ZMYND11: variants seen among roughly 807,000 people sequenced by gnomAD.
The protein encoded by ZMYND11 is zinc finger MYND domain-containing protein 11.
In ZMYND11, 9 loss-of-function variants were observed where a neutral mutation model predicts 84.9. The observed-to-expected ratio is 0.11, with a 90% CI of 0.06 to 0.18. ZMYND11 has a LOEUF of 0.18. ZMYND11 is among the 10% of genes least tolerant of loss of function. The pLI is 1.00. For synonymous variants in ZMYND11, 250 were observed against 244.1 expected, an observed-to-expected ratio of 1.02 and a Z score of -0.23; for missense variants, 409 against 761.0, an observed-to-expected ratio of 0.54 and a Z score of 5.44.
chr10:215,744 G>A (rs947047510), intron 3 of ZMYND11, among the ~76,000 whole-genome samples: 1 of 151,894 alleles, frequency 6.6e-6, no homozygotes, highest in Non-Finnish European at 1.5e-5. Flanking sequence ...TTTTTGTAGA[G>A]ACAGGGTCTT....
chr10:209,470 AT>A (rs1944785842), intron 2 of ZMYND11, among the ~76,000 whole-genome samples: 1 of 152,186 alleles, frequency 6.6e-6, no homozygotes, highest in African/African-American at 2.4e-5. Context: ...ATTACAAAAT[AT>A]GTTTGTAGTT....
At chr10:172,134 A>G (rs964739799) in intron 1 of ZMYND11, among the ~76,000 whole-genome samples, 9 of 152,192 alleles carry the variant, frequency 5.9e-5, no homozygotes, top group African/African-American at 2.2e-4. Context: ...TCATGAGGGC[A>G]GAGCCCCCAT....
At chr10:242,229 GTTTAT>G in intron 10 of ZMYND11, 90 bp downstream of exon 10, 3 of 1,470,700 alleles carry the variant, frequency 2.0e-6, no homozygotes, top group Admixed American at 2.3e-5. Flanking sequence ...GATGCATGAA[GTTTAT>G]TTTAAATTGG....
intron 3 of ZMYND11, among the ~76,000 whole-genome samples, chr10:214,305 A>C (rs907473145): frequency 2.6e-5 from 4 of 152,226 alleles, no homozygotes; most frequent in African/African-American, 9.7e-5. Context: ...TCAAGCAAAC[A>C]GAAGTATACG....
chr10:230,047 TA>T (rs1948732347), intron 4 of ZMYND11, among the ~76,000 whole-genome samples: 2 of 152,262 alleles, frequency 1.3e-5, no homozygotes, highest in African/African-American at 4.8e-5. Context: ...TGTTTTCTGC[TA>T]TTACAATTAT....
At position 240,874 on chromosome 10, in the gene ZMYND11, A is replaced by T; in HGVS notation, c.754-19A>T. On this transcript the variant is annotated intron_variant, in intron 8 of 14. Coordinates refer to ENST00000381604, the MANE Select transcript of ZMYND11 (RefSeq NM_001370100.5). ...ATGTATATTTTATGTAGGCTAAAGTAGTTTCTTTTCTTTTTCAGCTGGATG... is the reference window on the plus strand; with the variant it reads ...ATGTATATTTTATGTAGGCTAAAGTTGTTTCTTTTCTTTTTCAGCTGGATG... 1 of 1,595,280 alleles carries T rather than the reference A, an allele frequency of 6.3e-7. No individual in the cohort carries two copies. Among genetic ancestry groups the T allele is most frequent in the Non-Finnish European group, 8.6e-7 (1 of 1,165,972 alleles).
At chr10:150,607 G>C (rs1840099952) in intron 1 of ZMYND11, among the ~76,000 whole-genome samples, 1 of 152,194 alleles carries the variant, frequency 6.6e-6, no homozygotes, top group African/African-American at 2.4e-5. Context: ...ACTGGGTGGA[G>C]CCCACTGCAG....
At position 155,604 on chromosome 10, in the gene ZMYND11, G is replaced by C; in HGVS notation, c.-20+20045G>C. On this transcript the variant is annotated intron_variant, in intron 1 of 14. Coordinates refer to ENST00000381604, the MANE Select transcript of ZMYND11 (RefSeq NM_001370100.5). ...TTCTAAAGAAGAGCTACAAACACAC[G>C]AAAAAGGTTTTGCTTGAAATGATGT... is the stretch of plus-strand genomic sequence containing the variant. 2.6e-5 allele frequency among the ~76,000 whole-genome samples: 4 copies of C among 152,326 alleles called. 1 individual carries two copies. The highest frequency in any genetic ancestry group is 3.4e-3 in the Middle Eastern group (1 of 294).
chr10:209,717 T>G (rs1944832542), intron 2 of ZMYND11, among the ~76,000 whole-genome samples, 172 bp from the exon 3 acceptor site: 1 of 142,620 alleles, frequency 7.0e-6, no homozygotes, highest in Non-Finnish European at 1.5e-5. Flanking sequence ...TATTGAAGAC[T>G]TTTCCTTTCT....
intron 4 of ZMYND11, among the ~76,000 whole-genome samples, chr10:231,166 A>G (rs955810634): frequency 3.3e-5 from 5 of 152,270 alleles, no homozygotes; most frequent in African/African-American, 7.2e-5. Context: ...TAGTCGAGAC[A>G]GAGACCAACC....
At chr10:172,430 A>C (rs558403917) in intron 1 of ZMYND11, among the ~76,000 whole-genome samples, 1 of 152,312 alleles carries the variant, frequency 6.6e-6, no homozygotes, top group Admixed American at 6.5e-5. Flanking sequence ...GTAATATACA[A>C]AAATCTATCA....
At chr10:185,048 G>C (rs1937815272) in intron 2 of ZMYND11, among the ~76,000 whole-genome samples, 1 of 152,066 alleles carries the variant, frequency 6.6e-6, no homozygotes, top group Admixed American at 6.6e-5. Context: ...AGTGTTTGTA[G>C]GCCCCATTAA....
intron 2 of ZMYND11, among the ~76,000 whole-genome samples, chr10:189,782 A>G (rs914846228): frequency 2.8e-4 from 43 of 152,206 alleles, no homozygotes; most frequent in African/African-American, 1.0e-3. Context: ...GTACCAAATA[A>G]CAGGAGAGGG....
At chr10:136,398 G>A (rs1241572060) in intron 1 of ZMYND11, among the ~76,000 whole-genome samples, 4 of 152,208 alleles carry the variant, frequency 2.6e-5, no homozygotes, top group Non-Finnish European at 4.4e-5. Flanking sequence ...TGCTCGTTGT[G>A]CAGTGCGGTG....
chr10:229,658 T>C (rs1948674763), intron 4 of ZMYND11, among the ~76,000 whole-genome samples: 1 of 152,112 alleles, frequency 6.6e-6, no homozygotes, highest in African/African-American at 2.4e-5. Context: ...GTGTCAGTAC[T>C]GGGAGTGAAA....
intron 2 of ZMYND11, among the ~76,000 whole-genome samples, chr10:184,198 G>A (rs184231256): frequency 7.0e-4 from 106 of 152,036 alleles, no homozygotes; most frequent in African/African-American, 2.4e-3. Flanking sequence ...TTAGAATCTC[G>A]TGTAGTCAGT....
intron 2 of ZMYND11, among the ~76,000 whole-genome samples, chr10:191,078 G>A (rs867757278): frequency 6.6e-6 from 1 of 152,050 alleles, no homozygotes; most frequent in Admixed American, 6.6e-5. Context: ...CTGTAGAAGT[G>A]GTTTGAAGGA....
chr10:131,778 TTGGCCTCCCAAAG>T (rs1835317840), upstream of ZMYND11, among the ~76,000 whole-genome samples: 1 of 151,904 alleles, frequency 6.6e-6, no homozygotes, highest in East Asian at 1.9e-4. Flanking sequence ...ACCTCCCGCC[TTGGCCTCCCAAAG>T]TGTTGGGGTT....
intron 2 of ZMYND11, among the ~76,000 whole-genome samples, chr10:187,502 C>G (rs1033151540): frequency 6.6e-6 from 1 of 151,804 alleles, no homozygotes; most frequent in Non-Finnish European, 1.5e-5. Context: ...GGCGCGGTGG[C>G]GGGCGCCTGT....
Sources: gnomAD v4.1 joint callset for allele counts (sites outside exome capture counted in the v4.1 genomes callset) on GRCh38, gnomAD v4.1.1 for gene constraint, MANE v1.5 for transcripts, NCBI Gene and HGNC (gene_info 2026-07-23, HGNC 2026-07-21) for gene names.